MAN1A1: variants seen among roughly 807,000 people sequenced by gnomAD.
The protein encoded by MAN1A1 is mannosidase alpha class 1A member 1, also known as mannosyl-oligosaccharide 1,2-alpha-mannosidase IA.
A neutral mutation model predicts 70.8 loss-of-function variants in MAN1A1; 29 were observed. That is an observed-to-expected ratio of 0.41 (90% CI 0.31 to 0.56). The LOEUF (loss-of-function observed/expected upper bound fraction) is 0.56, where lower values mean the gene tolerates loss of function less well. Ranked by LOEUF, MAN1A1 falls within the 20% of genes least tolerant of loss-of-function variation. The pLI is 0.29. For missense variants in MAN1A1, 747 were observed against 841.3 expected (o/e 0.89, Z 1.39); for synonymous variants, 349 against 330.1 (o/e 1.06, Z -0.62).
chr6:119,201,753 G>A (rs2114946329), intron 7 of MAN1A1, among the ~76,000 whole-genome samples: 1 of 152,268 alleles, frequency 6.6e-6, no homozygotes, highest in Non-Finnish European at 1.5e-5. Context: ...ACAGCCTACT[G>A]TTTCTAGGTT....
intron 2 of MAN1A1, among the ~76,000 whole-genome samples, chr6:119,319,954 G>T (rs758560196): frequency 4.6e-5 from 7 of 151,860 alleles, no homozygotes; most frequent in Non-Finnish European, 1.0e-4. Context: ...TGAATTAAAA[G>T]CCAGGAGAAC....
chr6:119,331,135 C>A (rs1773299102), intron 2 of MAN1A1, among the ~76,000 whole-genome samples: 1 of 152,040 alleles, frequency 6.6e-6, no homozygotes, highest in Non-Finnish European at 1.5e-5. Flanking sequence ...AACTGTATCG[C>A]CCCATTTGCA....
intron 2 of MAN1A1, among the ~76,000 whole-genome samples, chr6:119,315,487 G>A (rs765514085): frequency 2.0e-5 from 3 of 152,078 alleles, no homozygotes; most frequent in Admixed American, 6.6e-5. Context: ...TCCAGTTCTA[G>A]CTAAAAAAAT....
intron 2 of MAN1A1, among the ~76,000 whole-genome samples, chr6:119,329,339 C>T (rs1189449108): frequency 6.6e-6 from 1 of 152,124 alleles, no homozygotes; most frequent in Admixed American, 6.5e-5. Context: ...GACTAAGTAG[C>T]CCAGAGTAAG....
chr6:119,292,321 T>C (rs898740510), intron 4 of MAN1A1, among the ~76,000 whole-genome samples: 3 of 151,954 alleles, frequency 2.0e-5, no homozygotes, highest in Admixed American at 2.0e-4. Context: ...CATTCACTAA[T>C]AATCATGGGA....
chr6:119,210,028 A>C (rs1359022260), intron 6 of MAN1A1, among the ~76,000 whole-genome samples: 1 of 152,176 alleles, frequency 6.6e-6, no homozygotes, highest in Non-Finnish European at 1.5e-5. Flanking sequence ...CCATCTCATC[A>C]CGGGTAGTTG....
intron 6 of MAN1A1, among the ~76,000 whole-genome samples, chr6:119,236,680 C>T (rs906919032): frequency 6.9e-6 from 1 of 145,002 alleles, no homozygotes; most frequent in Non-Finnish European, 1.5e-5. Flanking sequence ...TGCACTCCAG[C>T]CTGGGCGAGA....
intron 2 of MAN1A1, among the ~76,000 whole-genome samples, chr6:119,344,074 A>G (rs907960110): frequency 6.6e-6 from 1 of 152,216 alleles, no homozygotes; most frequent in Non-Finnish European, 1.5e-5. Flanking sequence ...ATCTCATACA[A>G]ATGCATTTTG....
intron 5 of MAN1A1, among the ~76,000 whole-genome samples, chr6:119,266,413 C>A (rs907449948): frequency 6.6e-6 from 1 of 151,868 alleles, no homozygotes; most frequent in Non-Finnish European, 1.5e-5. Context: ...GAATAGAGAG[C>A]CTAGAAATTG....
intron 5 of MAN1A1, among the ~76,000 whole-genome samples, chr6:119,272,150 A>C (rs1451951514): frequency 6.6e-6 from 1 of 152,242 alleles, no homozygotes; most frequent in Non-Finnish European, 1.5e-5. Flanking sequence ...GCTTTGGATA[A>C]TTAAAAATAA....
At chr6:119,245,800 T>A (rs1265914071) in intron 6 of MAN1A1, among the ~76,000 whole-genome samples, 1 of 152,122 alleles carries the variant, frequency 6.6e-6, no homozygotes, top group South Asian at 2.1e-4. Context: ...AATACATAAA[T>A]GAAAATGACA....
At chr6:119,180,662 G>A (rs776560713) in intron 11 of MAN1A1, among the ~76,000 whole-genome samples, 8 of 152,000 alleles carry the variant, frequency 5.3e-5, no homozygotes, top group Middle Eastern at 6.8e-3. Flanking sequence ...ACAGGCATTC[G>A]CCACCATGCC....
chr6:119,242,134 G>GACAGACACACACACACACACACAC (rs1554207759), intron 6 of MAN1A1, among the ~76,000 whole-genome samples: 1 of 150,526 alleles, frequency 6.6e-6, no homozygotes, highest in African/African-American at 2.5e-5. Context: ...CAGACAGACA[G>GACAGACACACACACACACACACAC]ACACACACAC....
At chr6:119,260,977 T>G (rs2357165) in intron 5 of MAN1A1, among the ~76,000 whole-genome samples, 1 of 6,968 alleles carries the variant, frequency 1.4e-4, no homozygotes, top group Non-Finnish European at 4.6e-4. Context: ...TTTTTTATTG[T>G]TTTTTTTTTT....
chr6:119,246,118 A>G (rs1157574911), intron 6 of MAN1A1, among the ~76,000 whole-genome samples: 1 of 152,186 alleles, frequency 6.6e-6, no homozygotes, highest in Admixed American at 6.5e-5. Context: ...CCAATTTCTT[A>G]TGCTTATTTC....
rs78585986 is a variant in MAN1A1, at chr6:119,312,972, A to G, written c.604-5980T>C. ...GTGACAGGGCACCTGACTAGAAGAC[A>G]CTCAATGAGCCTGGCTGACCTTTAT... On this transcript the variant is annotated intron_variant, in intron 2 of 12. Coordinates refer to ENST00000368468, the MANE Select transcript of MAN1A1 (RefSeq NM_005907.4). Among the ~76,000 whole-genome samples, 896 of 152,232 alleles carry G rather than the reference A, an allele frequency of 5.9e-3. 31 individuals are homozygous for G. The East Asian group carries it at 0.09, about 15-fold the overall frequency.
In MAN1A1 at chr6:119,324,508, T is replaced by C. The variant is rs1773098715; in HGVS notation, c.604-17516A>G. Among the ~76,000 whole-genome samples, 3 of 152,278 alleles carry C rather than the reference T, an allele frequency of 2.0e-5. No individual in the cohort carries two copies. The South Asian group carries it at 6.2e-4, about 32-fold the overall frequency. On this transcript the variant is annotated intron_variant, in intron 2 of 12. Transcript: ENST00000368468. ...CAAGGGTCACCTGTAATTTCATCCT[T>C]ATAATCTCCAGAAGAACCTCACTGG...
At position 119,349,645 on chromosome 6, in the gene MAN1A1, C is replaced by T. The variant is rs1447343569; in HGVS notation, c.-326G>A. ...CCTCTTTCCTAGGCTGGGCTGAGCG[C>T]GCTGTCCCACGGTCCCGCAGCCCCG... On this transcript the variant is annotated 5_prime_UTR_variant, in exon 1 of 13. Coordinates refer to ENST00000368468, the MANE Select transcript of MAN1A1 (RefSeq NM_005907.4). 10 of 985,848 alleles carry T rather than the reference C, an allele frequency of 1.0e-5. No individual in the cohort carries two copies. Among genetic ancestry groups the T allele is most frequent in the Non-Finnish European group, 1.2e-5 (10 of 830,058 alleles). The allele number at this position is 985,848 out of a possible 1,614,324, so 61.1% of individuals were successfully genotyped here. A position where few individuals can be genotyped will look rare whatever the true frequency, so the allele number is the denominator to read the frequency against.
chr6:119,211,279 G>A (rs943552358), intron 6 of MAN1A1, among the ~76,000 whole-genome samples: 13 of 152,160 alleles, frequency 8.5e-5, no homozygotes, highest in African/African-American at 3.1e-4. Context: ...TAAGACACAT[G>A]AAATCAGTAC....
Sources: allele counts gnomAD v4.1 joint callset (sites outside exome capture counted in the v4.1 genomes callset), GRCh38; gene constraint gnomAD v4.1.1; transcripts MANE v1.5; gene names NCBI Gene and HGNC (gene_info 2026-07-23, HGNC 2026-07-21).